Variants in ZBTB46 observed in about 807,000 individuals in gnomAD.
ZBTB46 encodes the protein zinc finger and BTB domain containing 46.
Under a neutral mutation model 44.1 loss-of-function variants are expected in ZBTB46, and 8 were observed. The ratio of observed to expected loss-of-function variants is 0.18; its 90% CI spans 0.11 to 0.33. The LOEUF is 0.33. Ranked by LOEUF, ZBTB46 falls within the 10% of genes least tolerant of loss-of-function variation. The pLI is 1.00. For missense variants in ZBTB46, 651 were observed against 847.7 expected (o/e 0.77, Z 2.88); for synonymous variants, 409 against 382.3 (o/e 1.07, Z -0.81).
At chr20:63,792,769 C>T (rs1406530689) in intron 1 of ZBTB46, among the ~76,000 whole-genome samples, 1 of 152,208 alleles carries the variant, frequency 6.6e-6, no homozygotes, top group Non-Finnish European at 1.5e-5. Flanking sequence ...CCACCCGCCT[C>T]GGCCTCTCAA....
At chr20:63,761,981 T>C (rs147066615) in intron 3 of ZBTB46, among the ~76,000 whole-genome samples, 129 of 152,290 alleles carry the variant, frequency 8.5e-4, no homozygotes, top group East Asian at 4.0e-3. Flanking sequence ...ACCTGAATTA[T>C]GGCCCTGGTT....
chr20:63,792,665 G>A (rs1337549483), intron 1 of ZBTB46, among the ~76,000 whole-genome samples: 1 of 152,024 alleles, frequency 6.6e-6, no homozygotes, highest in Non-Finnish European at 1.5e-5. Context: ...ACAGACACCC[G>A]CCACCACGCC....
intron 1 of ZBTB46, among the ~76,000 whole-genome samples, chr20:63,806,153 G>C (rs982606357): frequency 1.3e-5 from 2 of 150,378 alleles, no homozygotes; most frequent in Non-Finnish European, 3.0e-5. Flanking sequence ...TGTAATCCCA[G>C]CATTTTGGGA....
intron 2 of ZBTB46, among the ~76,000 whole-genome samples, chr20:63,781,619 C>T (rs1481112560): frequency 3.9e-5 from 6 of 152,130 alleles, no homozygotes; most frequent in African/African-American, 1.4e-4. Context: ...GGCCAAACCC[C>T]GTCTCTACTA....
In ZBTB46 at chr20:63,814,447, A is replaced by C. The variant is rs1195980846; in HGVS notation, c.-34+16650T>G. ...AAAATAATAATATAACTTTTACAAA[A>C]CTGGGAAAATATACAATCCAGCGGT... On this transcript the variant is annotated intron_variant, in intron 1 of 4. Transcript: ENST00000245663. 2.0e-5 allele frequency among the ~76,000 whole-genome samples: 3 copies of C among 152,246 alleles called. 1 individual carries two copies. The highest frequency in any genetic ancestry group is 6.5e-5 in the Admixed American group (1 of 15,272).
At chr20:63,816,063 GCAGGTGCAGTGGGCACAGGTGGGCA>G (rs1430193839) in intron 1 of ZBTB46, among the ~76,000 whole-genome samples, 9 of 138,460 alleles carry the variant, frequency 6.5e-5, no homozygotes, top group African/African-American at 8.2e-5. Context: ...TGCGGTGGGC[GCAGGTGCAGTGGGCACAGGTGGGCA>G]CAGGTGCAGT....
intron 1 of ZBTB46, among the ~76,000 whole-genome samples, chr20:63,830,178 G>A (rs1424267548): frequency 6.6e-6 from 1 of 152,208 alleles, no homozygotes; most frequent in Non-Finnish European, 1.5e-5. Context: ...GCCCTATTGT[G>A]TGTGCTTCGT....
intron 3 of ZBTB46, among the ~76,000 whole-genome samples, chr20:63,766,787 G>A (rs1353802495): frequency 6.6e-6 from 1 of 152,216 alleles, no homozygotes; most frequent in Non-Finnish European, 1.5e-5. Flanking sequence ...AACCAGGGGA[G>A]GCTCCAGCAG....
At chr20:63,802,787 C>T (rs1310047243) in intron 1 of ZBTB46, among the ~76,000 whole-genome samples, 1 of 118,192 alleles carries the variant, frequency 8.5e-6, no homozygotes, top group Non-Finnish European at 1.7e-5. Context: ...CAGGAACCGC[C>T]GTGGCCGACG....
chr20:63,811,398 AG>A (rs1056315083), intron 1 of ZBTB46, among the ~76,000 whole-genome samples: 2 of 152,218 alleles, frequency 1.3e-5, no homozygotes, highest in African/African-American at 4.8e-5. Flanking sequence ...AAGACACTAC[AG>A]CCCCAGGCCT....
chr20:63,762,924 C>T (rs144382799), intron 3 of ZBTB46, among the ~76,000 whole-genome samples: 1 of 152,256 alleles, frequency 6.6e-6, no homozygotes, highest in East Asian at 1.9e-4. Context: ...TACAGTGGCA[C>T]AATCATAGCA....
At chr20:63,768,600 C>G (rs2092340122) in intron 3 of ZBTB46, among the ~76,000 whole-genome samples, 1 of 151,286 alleles carries the variant, frequency 6.6e-6, no homozygotes, top group Admixed American at 6.6e-5. Context: ...AAGCCAGACT[C>G]TGTCTCAAAA....
chr20:63,766,568 C>A (rs1221188075), intron 3 of ZBTB46, among the ~76,000 whole-genome samples: 1 of 150,606 alleles, frequency 6.6e-6, no homozygotes, highest in Non-Finnish European at 1.5e-5. Context: ...TTCTCTACAA[C>A]TGATATTAAA....
At chr20:63,792,831 G>A (rs1040138617) in intron 1 of ZBTB46, among the ~76,000 whole-genome samples, 2 of 152,184 alleles carry the variant, frequency 1.3e-5, no homozygotes, top group African/African-American at 4.8e-5. Flanking sequence ...AATGTCCTGA[G>A]AAAAGTAATT....
In ZBTB46 at chr20:63,752,653, A is replaced by C. The variant is rs1322075175; in HGVS notation, c.1398+33T>G. 14 of 1,485,850 alleles carry C rather than the reference A, an allele frequency of 9.4e-6. No individual in the cohort carries two copies. Among genetic ancestry groups the C allele is most frequent in the Non-Finnish European group, 9.0e-7 (1 of 1,116,962 alleles). The allele number at this position is 1,485,850 out of a possible 1,614,324, so 92.0% of individuals were successfully genotyped here. On this transcript the variant is annotated intron_variant, in intron 4 of 4. Coordinates refer to ENST00000245663, the MANE Select transcript of ZBTB46 (RefSeq NM_001369741.1). The surrounding 1 kb of genome is among the most constrained non-coding windows in gnomAD (Gnocchi z 5.6). Reference sequence around the variant, plus strand: ...CTGCCCGGACATCGTGGCCACGCGCAGCGCGCGGCACGCGGACCCTCCCCG... The same window carrying C: ...CTGCCCGGACATCGTGGCCACGCGCCGCGCGCGGCACGCGGACCCTCCCCG...
intron 1 of ZBTB46, among the ~76,000 whole-genome samples, chr20:63,798,685 A>AAAAAAAAAAAAAAAAAACAAAAAAAAAAC (rs1417351365): frequency 7.8e-6 from 1 of 127,888 alleles, no homozygotes; most frequent in African/African-American, 3.2e-5. Flanking sequence ...AAAAAAAAAA[A>AAAAAAAAAAAAAAAAAACAAAAAAAAAAC]AAAAAAAATT....
chr20:63,759,640 G>A (rs1443879269), intron 3 of ZBTB46, among the ~76,000 whole-genome samples: 1 of 152,108 alleles, frequency 6.6e-6, no homozygotes, highest in African/African-American at 2.4e-5. Context: ...AGCTCTCAGG[G>A]GCAGCCCTGC....
intron 3 of ZBTB46, among the ~76,000 whole-genome samples, chr20:63,756,674 C>G (rs2092223306): frequency 6.6e-6 from 1 of 152,246 alleles, no homozygotes; most frequent in Admixed American, 6.5e-5. Flanking sequence ...CCAGCACCCT[C>G]GAACAAGCCT....
At chr20:63,827,263 G>T (rs1038958142) in intron 1 of ZBTB46, among the ~76,000 whole-genome samples, 3 of 152,222 alleles carry the variant, frequency 2.0e-5, no homozygotes, top group Non-Finnish European at 4.4e-5. Context: ...GAGCTGTCAT[G>T]AATAGGAAAC....
Sources: allele counts gnomAD v4.1 joint callset (sites outside exome capture counted in the v4.1 genomes callset), GRCh38; gene constraint gnomAD v4.1.1; non-coding constraint Gnocchi (gnomAD v3.1); transcripts MANE v1.5; gene names NCBI Gene and HGNC (gene_info 2026-07-23, HGNC 2026-07-21).